Variants in HCRTR1 observed in about 807,000 individuals in gnomAD.
HCRTR1 encodes the protein hypocretin receptor 1, also known as orexin/Hypocretin receptor type 1.
In HCRTR1, 28 loss-of-function variants were observed where a neutral mutation model predicts 40.6. The ratio of observed to expected loss-of-function variants is 0.69; its 90% CI spans 0.51 to 0.95. The LOEUF is 0.95. Ranked by LOEUF, HCRTR1 falls within the 40% of genes least tolerant of loss-of-function variation. The probability of loss-of-function intolerance (pLI) is 0.00; values close to 1 mark genes in which losing one functional copy is unlikely to be tolerated. For synonymous variants in HCRTR1, 209 were observed against 230.0 expected (o/e 0.91, Z 0.83); for missense variants, 482 against 564.7 (o/e 0.85, Z 1.48).
In HCRTR1 at chr1:31,627,028, C is replaced by A; in HGVS notation, c.*48C>A. ...CGGCTCGGGGGATCTGCCCCTACCC[C>A]TCATGGAAAGACAGCTGGATGTGGT... On this transcript the variant is annotated 3_prime_UTR_variant, in exon 9 of 9. Coordinates refer to ENST00000403528, the MANE Select transcript of HCRTR1 (RefSeq NM_001525.3). 2 of 1,568,208 alleles carry A rather than the reference C, an allele frequency of 1.3e-6. No individual in the cohort carries two copies. Among genetic ancestry groups the A allele is most frequent in the Non-Finnish European group, 8.6e-7 (1 of 1,160,972 alleles).
downstream of HCRTR1, among the ~76,000 whole-genome samples, chr1:31,628,591 AG>A (rs1399781626): frequency 1.3e-5 from 2 of 152,254 alleles, no homozygotes; most frequent in African/African-American, 4.8e-5. Context: ...CTGAGCACAA[AG>A]GTGAGAGACT....
chr1:31,620,423 TA>T (rs983414620), intron 4 of HCRTR1, among the ~76,000 whole-genome samples: 1 of 152,190 alleles, frequency 6.6e-6, no homozygotes, highest in Non-Finnish European at 1.5e-5. Flanking sequence ...ACCCTGAGCA[TA>T]AAGACAGATG....
chr1:31,633,436 T>C (rs1640171251), downstream of HCRTR1: 1 of 1,096,746 alleles, frequency 9.1e-7, no homozygotes, highest in Non-Finnish European at 1.3e-6. Flanking sequence ...CTGTCTTCCA[T>C]CAAGCTGACA....
chr1:31,624,875 C>T (rs1639939762), intron 7 of HCRTR1, 122 bp from the exon 8 acceptor site: 4 of 1,086,432 alleles, frequency 3.7e-6, no homozygotes, highest in Middle Eastern at 3.3e-4. Flanking sequence ...GGCCAGGAAA[C>T]GTGGACAGAA....
At chr1:31,618,288 G>A (rs1231058798) in intron 1 of HCRTR1, among the ~76,000 whole-genome samples, 1 of 152,158 alleles carries the variant, frequency 6.6e-6, no homozygotes, top group Non-Finnish European at 1.5e-5. Context: ...AATGGAGAGC[G>A]ACCCGCGCGC....
chr1:31,632,710 T>C (rs981719456), downstream of HCRTR1: 315 of 1,533,746 alleles, frequency 2.1e-4, no homozygotes, highest in East Asian at 8.5e-4. Flanking sequence ...TCAGGACCCA[T>C]TGAGGCAGCC....
At chr1:31,624,884 A>C in intron 7 of HCRTR1, 113 bp from the exon 8 acceptor site, 1 of 1,173,916 alleles carries the variant, frequency 8.5e-7, no homozygotes. Context: ...ACGTGGACAG[A>C]AGTGGGCAGT....
chr1:31,633,582 C>T (rs190244836), downstream of HCRTR1, among the ~76,000 whole-genome samples: 79 of 152,198 alleles, frequency 5.2e-4, no homozygotes, highest in Non-Finnish European at 6.3e-4. Flanking sequence ...TTTTAAGGAA[C>T]GGGGACCTGT....
downstream of HCRTR1, among the ~76,000 whole-genome samples, chr1:31,633,861 A>G (rs1640183174): frequency 1.3e-5 from 2 of 151,996 alleles, no homozygotes; most frequent in Non-Finnish European, 2.9e-5. Flanking sequence ...AGGCTGAAGC[A>G]GGAGAATCGC....
chr1:31,623,296 CAAAAA>C (rs11286118), intron 6 of HCRTR1, among the ~76,000 whole-genome samples: 1 of 133,286 alleles, frequency 7.5e-6, no homozygotes. Context: ...AATGCCATCT[CAAAAA>C]AAAAAAAAAA....
At chr1:31,630,179 G>C (rs1412047049), downstream of HCRTR1, 1 of 241,852 alleles carries the variant, frequency 4.1e-6, no homozygotes, top group Non-Finnish European at 8.3e-6. Context: ...CTCATGCTTG[G>C]TCAGATTCCA....
In HCRTR1 at chr1:31,619,295, C is replaced by G. The variant is rs776977016; in HGVS notation, c.103C>G (p.Leu35Val). The change falls in exon 3 of 9, where the codon CTG becomes GTG. Residue 35 changes from leucine to valine, a missense_variant. Leu to Val is a conservative substitution (Grantham distance 32). Coordinates refer to ENST00000403528, the MANE Select transcript of HCRTR1 (RefSeq NM_001525.3). Reference sequence around the variant, plus strand: ...CTATGAAGATGAGTTTCTCCGCTATCTGTGGCGCGATTATCTGTACCCAAA... The same window carrying G: ...CTATGAAGATGAGTTTCTCCGCTATGTGTGGCGCGATTATCTGTACCCAAA... ...PDYEDEFLRY[L>V]WRDYLYPKQY... The G allele has an allele frequency of 6.2e-7, 1 of 1,614,202 alleles. No individual in the cohort carries two copies. The highest frequency in any genetic ancestry group is 1.7e-5 in the Admixed American group (1 of 60,036).
chr1:31,621,440 G>A (rs1345040472), intron 5 of HCRTR1, 37 bp from the exon 6 acceptor site: 6 of 1,481,330 alleles, frequency 4.1e-6, no homozygotes, highest in South Asian at 1.1e-5. Context: ...TGGGGCTCAC[G>A]GATTGGGCCT....
downstream of HCRTR1, among the ~76,000 whole-genome samples, chr1:31,627,993 A>T (rs138311567): frequency 5.5e-3 from 842 of 152,318 alleles, 5 homozygotes; most frequent in Middle Eastern, 0.034. Flanking sequence ...GGATAAAAAG[A>T]GAAAGCCACA....
intron 6 of HCRTR1, 48 bp downstream of exon 6, chr1:31,621,640 G>A (rs1358879329): frequency 2.3e-6 from 3 of 1,318,320 alleles, no homozygotes; most frequent in African/African-American, 1.4e-5. Context: ...GTGTGGGCTG[G>A]GGGTGGGAGG....
chr1:31,627,435 A>G lies in HCRTR1; in HGVS notation c.*455A>G. 2 of 1,092,846 alleles carry G rather than the reference A, an allele frequency of 1.8e-6. No individual in the cohort carries two copies. Among genetic ancestry groups the G allele is most frequent in the South Asian group, 2.6e-5 (2 of 77,088 alleles). 67.7% of individuals were successfully genotyped at this position (1,092,846 alleles called of 1,614,324 possible). A position where few individuals can be genotyped will look rare whatever the true frequency, so the allele number is the denominator to read the frequency against. ...GCTGTTCTGATGCCTGTGTGAACTA[A>G]TCTGGGCCCAGCCTTTCTCCAGCGG... On this transcript the variant is annotated 3_prime_UTR_variant, in exon 9 of 9. Coordinates refer to ENST00000403528, the MANE Select transcript of HCRTR1 (RefSeq NM_001525.3).
intron 6 of HCRTR1, among the ~76,000 whole-genome samples, chr1:31,622,838 C>A (rs1403097174): frequency 6.6e-6 from 1 of 152,158 alleles, no homozygotes; most frequent in Non-Finnish European, 1.5e-5. Flanking sequence ...AGGGGAGGCA[C>A]AACTCACCCC....
downstream of HCRTR1, chr1:31,630,770 G>A (rs1287186849): frequency 6.2e-7 from 1 of 1,614,064 alleles, no homozygotes; most frequent in East Asian, 2.2e-5. Context: ...AGGATTGGCA[G>A]AGCGTGGGCA....
At chr1:31,623,449 G>A in intron 6 of HCRTR1, 74 bp from the exon 7 acceptor site, 1 of 1,318,338 alleles carries the variant, frequency 7.6e-7, no homozygotes, top group Non-Finnish European at 1.0e-6. Context: ...CCAGCCTGGA[G>A]TAGGCCCCAC....
Sources: gnomAD v4.1 joint callset for allele counts (sites outside exome capture counted in the v4.1 genomes callset) on GRCh38, gnomAD v4.1.1 for gene constraint, MANE v1.5 for transcripts, NCBI Gene and HGNC (gene_info 2026-07-23, HGNC 2026-07-21) for gene names.